Variants in PDZRN4 observed in about 807,000 individuals in gnomAD.
The protein encoded by PDZRN4 is PDZ domain-containing RING finger protein 4.
A neutral mutation model predicts 99.0 loss-of-function variants in PDZRN4; 70 were observed. The observed-to-expected ratio is 0.71, with a 90% CI of 0.58 to 0.86. The LOEUF is 0.86. Ranked by LOEUF, PDZRN4 falls within the 40% of genes least tolerant of loss-of-function variation. The probability of loss-of-function intolerance (pLI) is 0.00; values close to 1 mark genes in which losing one functional copy is unlikely to be tolerated. For missense variants in PDZRN4, 1,474 were observed against 1,331.2 expected, an observed-to-expected ratio of 1.11 and a Z score of -1.67; for synonymous variants, 551 against 501.6, an observed-to-expected ratio of 1.10 and a Z score of -1.32.
At chr12:41,520,461 C>T (rs778108117) in intron 5 of PDZRN4, among the ~76,000 whole-genome samples, 79 of 152,138 alleles carry the variant, frequency 5.2e-4, no homozygotes, top group African/African-American at 1.7e-3. Context: ...GCATAAATCT[C>T]GAAAAGGATT....
chr12:41,574,740 C>A lies in PDZRN4; in HGVS notation c.*850C>A, dbSNP rs1383084861. On this transcript the variant is annotated 3_prime_UTR_variant, in exon 10 of 10. Coordinates refer to ENST00000402685, the MANE Select transcript of PDZRN4 (RefSeq NM_001164595.2). ...CCAATAAAGTTGTATTGAAACATTCCCTATAGATCACTGTGTCACATATGC... is the reference window on the plus strand; with the variant it reads ...CCAATAAAGTTGTATTGAAACATTCACTATAGATCACTGTGTCACATATGC... The A allele has an allele frequency of 6.6e-6, 1 of 152,034 alleles. No homozygotes were observed. The highest frequency in any genetic ancestry group is 1.5e-5 in the Non-Finnish European group (1 of 68,012). 9.4% of individuals were successfully genotyped at this position (152,034 alleles called of 1,614,324 possible).
chr12:41,457,380 T>A (rs1952825083), intron 3 of PDZRN4, among the ~76,000 whole-genome samples: 1 of 152,220 alleles, frequency 6.6e-6, no homozygotes, highest in Non-Finnish European at 1.5e-5. Flanking sequence ...GGGATGGGAA[T>A]GTAATGAATA....
chr12:41,424,030 G>A (rs1195996456), intron 3 of PDZRN4, among the ~76,000 whole-genome samples: 1 of 152,138 alleles, frequency 6.6e-6, no homozygotes, highest in African/African-American at 2.4e-5. Context: ...GCCATGTTGG[G>A]AAGTTCCTCA....
chr12:41,423,752 A>G (rs1194206403), intron 3 of PDZRN4, among the ~76,000 whole-genome samples: 6 of 152,150 alleles, frequency 3.9e-5, no homozygotes, highest in African/African-American at 1.2e-4. Flanking sequence ...ATGATTTTGA[A>G]CAGTTAGTGA....
At chr12:41,334,830 A>C (rs895888168) in intron 3 of PDZRN4, among the ~76,000 whole-genome samples, 1 of 152,184 alleles carries the variant, frequency 6.6e-6, no homozygotes, top group Non-Finnish European at 1.5e-5. Flanking sequence ...TAAATTTGTC[A>C]GCATCCCTAA....
chr12:41,417,810 T>C (rs183234016), intron 3 of PDZRN4, among the ~76,000 whole-genome samples: 111 of 152,308 alleles, frequency 7.3e-4, no homozygotes, highest in Non-Finnish European at 9.6e-4. Context: ...ACAGTGTATG[T>C]TGGTTAAATA....
chr12:41,497,615 T>A (rs975047422), intron 3 of PDZRN4, among the ~76,000 whole-genome samples: 2 of 152,134 alleles, frequency 1.3e-5, no homozygotes, highest in African/African-American at 4.8e-5. Flanking sequence ...AAAGTCTTTT[T>A]GTAGTAATGA....
At chr12:41,393,853 G>T (rs1592041519) in intron 3 of PDZRN4, among the ~76,000 whole-genome samples, 1 of 152,150 alleles carries the variant, frequency 6.6e-6, no homozygotes, top group Admixed American at 6.6e-5. Flanking sequence ...GTGCAGCTGG[G>T]CTCAACTGGA....
At chr12:41,274,770 G>A (rs1265071180) in intron 3 of PDZRN4, among the ~76,000 whole-genome samples, 2 of 152,114 alleles carry the variant, frequency 1.3e-5, no homozygotes, top group Non-Finnish European at 2.9e-5. Flanking sequence ...TTTGCCTGGT[G>A]TGTTCATGAA....
intron 3 of PDZRN4, among the ~76,000 whole-genome samples, chr12:41,230,424 C>G (rs901892857): frequency 6.6e-6 from 1 of 151,998 alleles, no homozygotes; most frequent in Non-Finnish European, 1.5e-5. Flanking sequence ...GTAACTGCGT[C>G]TTCTGTTAAA....
Position 41,488,599 on chromosome 12 carries a change from A to C in PDZRN4, c.844-17857A>C, listed in dbSNP as rs143228168. On this transcript the variant is annotated intron_variant, in intron 3 of 9. Coordinates refer to ENST00000402685, the MANE Select transcript of PDZRN4 (RefSeq NM_001164595.2). ...ACCTGGCGTGTAGTCACTGATAGAC[A>C]ATGACAGCTTCTGAGGCTGTACACC... 5.2e-3 allele frequency among the ~76,000 whole-genome samples: 787 copies of C among 152,238 alleles called. 10 individuals are homozygous for C. The highest frequency in any genetic ancestry group is 0.018 in the African/African-American group (749 of 41,558).
intron 3 of PDZRN4, among the ~76,000 whole-genome samples, chr12:41,434,164 TTCTC>T (rs761666829): frequency 6.6e-6 from 1 of 152,214 alleles, no homozygotes; most frequent in Non-Finnish European, 1.5e-5. Context: ...CCTCTTCGTC[TTCTC>T]TCTCTCTTTC....
intron 3 of PDZRN4, among the ~76,000 whole-genome samples, chr12:41,231,445 G>A (rs1273796384): frequency 6.6e-6 from 1 of 152,154 alleles, no homozygotes; most frequent in Admixed American, 6.6e-5. Context: ...CTGCAAGGTA[G>A]TATAGCTAAC....
At chr12:41,295,852 A>G (rs972522041) in intron 3 of PDZRN4, among the ~76,000 whole-genome samples, 2 of 152,194 alleles carry the variant, frequency 1.3e-5, no homozygotes, top group African/African-American at 4.8e-5. Context: ...ATGCTTTGCA[A>G]AAAGTTTATG....
intron 3 of PDZRN4, among the ~76,000 whole-genome samples, chr12:41,410,285 T>C (rs776803615): frequency 6.6e-5 from 10 of 152,212 alleles, no homozygotes; most frequent in Non-Finnish European, 1.5e-4. Context: ...AAGCAATAAA[T>C]ATTTCCTAAA....
chr12:41,312,786 A>G (rs891796626), intron 3 of PDZRN4, among the ~76,000 whole-genome samples: 1 of 151,966 alleles, frequency 6.6e-6, no homozygotes, highest in African/African-American at 2.4e-5. Flanking sequence ...ATTACAATTC[A>G]AGGTGAGATT....
chr12:41,516,146 G>A (rs148544557), intron 5 of PDZRN4, among the ~76,000 whole-genome samples: 122 of 152,048 alleles, frequency 8.0e-4, no homozygotes, highest in African/African-American at 2.8e-3. Flanking sequence ...GCCATGTACC[G>A]CAATCTTTCC....
chr12:41,456,548 A>G (rs1286250525), intron 3 of PDZRN4, among the ~76,000 whole-genome samples: 1 of 152,214 alleles, frequency 6.6e-6, no homozygotes, highest in Non-Finnish European at 1.5e-5. Flanking sequence ...GTTTCAATAA[A>G]AATGATATCC....
chr12:41,250,798 T>C (rs1166937550), intron 3 of PDZRN4, among the ~76,000 whole-genome samples: 1 of 152,244 alleles, frequency 6.6e-6, no homozygotes, highest in East Asian at 1.9e-4. Flanking sequence ...GTTTTTCTGC[T>C]AAAGTTGTGG....
Sources: gnomAD v4.1 joint callset for allele counts (sites outside exome capture counted in the v4.1 genomes callset) on GRCh38, gnomAD v4.1.1 for gene constraint, MANE v1.5 for transcripts, NCBI Gene and HGNC (gene_info 2026-07-23, HGNC 2026-07-21) for gene names.